Variants in RUNX2 observed in about 807,000 individuals in gnomAD.
RUNX2 encodes RUNX family transcription factor 2, also known as runt-related transcription factor 2.
In RUNX2, 10 loss-of-function variants were observed where a neutral mutation model predicts 51.7. The ratio of observed to expected loss-of-function variants is 0.19; its 90% CI spans 0.12 to 0.33. RUNX2 has a LOEUF of 0.33. Ranked by LOEUF, RUNX2 falls within the 10% of genes least tolerant of loss-of-function variation. RUNX2 has a pLI of 1.00. For missense variants in RUNX2, 562 were observed against 691.3 expected (o/e 0.81, Z 2.10); for synonymous variants, 276 against 273.6 (o/e 1.01, Z -0.09).
intron 2 of RUNX2, among the ~76,000 whole-genome samples, chr6:45,406,394 CTT>C (rs1797834179): frequency 6.6e-6 from 1 of 152,088 alleles, no homozygotes; most frequent in Admixed American, 6.6e-5. Flanking sequence ...GAATAAGACT[CTT>C]AGCATTATAT....
chr6:45,410,647 G>A (rs1479827228), intron 2 of RUNX2, among the ~76,000 whole-genome samples: 2 of 152,128 alleles, frequency 1.3e-5, no homozygotes, highest in East Asian at 1.9e-4. Flanking sequence ...CTTCAATCGT[G>A]TGGTTCCAGA....
intron 7 of RUNX2, among the ~76,000 whole-genome samples, chr6:45,531,808 G>A (rs773000931): frequency 2.0e-5 from 3 of 151,904 alleles, no homozygotes; most frequent in Non-Finnish European, 2.9e-5. Context: ...GAAATTTAAA[G>A]CTACTTAAAT....
At chr6:45,543,717 G>C (rs555010792) in intron 7 of RUNX2, among the ~76,000 whole-genome samples, 1 of 152,090 alleles carries the variant, frequency 6.6e-6, no homozygotes, top group Non-Finnish European at 1.5e-5. Flanking sequence ...AGGATGACTA[G>C]TTTAGGATAC....
intron 2 of RUNX2, among the ~76,000 whole-genome samples, chr6:45,386,994 A>C (rs886113572): frequency 1.3e-5 from 2 of 152,196 alleles, no homozygotes; most frequent in African/African-American, 2.4e-5. Flanking sequence ...AACTGGAAGG[A>C]GCTAACAGTT....
At chr6:45,433,188 T>C (rs1798591667) in intron 4 of RUNX2, among the ~76,000 whole-genome samples, 1 of 152,210 alleles carries the variant, frequency 6.6e-6, no homozygotes, top group East Asian at 1.9e-4. Context: ...CACTGACATG[T>C]TGTTTGAAAT....
At chr6:45,423,404 G>A (rs914315410) in intron 3 of RUNX2, among the ~76,000 whole-genome samples, 3 of 152,082 alleles carry the variant, frequency 2.0e-5, no homozygotes, top group South Asian at 4.1e-4. Context: ...GGGACATCCC[G>A]GCCTGGCCGC....
At chr6:45,438,441 C>T (rs1244249701) in intron 5 of RUNX2, among the ~76,000 whole-genome samples, 2 of 152,164 alleles carry the variant, frequency 1.3e-5, no homozygotes, top group South Asian at 2.1e-4. Context: ...GCATGTGTTT[C>T]CCATGGCCTA....
At chr6:45,467,360 C>T (rs1376748582) in intron 5 of RUNX2, among the ~76,000 whole-genome samples, 3 of 152,186 alleles carry the variant, frequency 2.0e-5, no homozygotes, top group East Asian at 1.9e-4. Context: ...CAGCTGACTG[C>T]AACCTCTGCC....
At chr6:45,467,249 T>C (rs1007534684) in intron 5 of RUNX2, among the ~76,000 whole-genome samples, 1 of 152,194 alleles carries the variant, frequency 6.6e-6, no homozygotes, top group Non-Finnish European at 1.5e-5. Context: ...ACTGGTCCTC[T>C]TTCTCTTTTG....
At chr6:45,506,831 G>A (rs1043802555) in intron 6 of RUNX2, among the ~76,000 whole-genome samples, 1 of 151,956 alleles carries the variant, frequency 6.6e-6, no homozygotes, top group African/African-American at 2.4e-5. Flanking sequence ...TTGTAGAGGT[G>A]GGGTTTCACC....
rs77482535 is a variant in RUNX2, at chr6:45,488,863, T to C, written c.686-3078T>C. On this transcript the variant is annotated intron_variant, in intron 5 of 8. Coordinates refer to ENST00000647337, the MANE Select transcript of RUNX2 (RefSeq NM_001024630.4). The stretch of plus-strand genomic sequence containing the variant: ...GGATGAGGTTTAGTCCTCACTGCAC[T>C]ATGACAGAGTACCCTATCCTTGACT... Among the ~76,000 whole-genome samples, 1,356 of 152,328 alleles carry C rather than the reference T, an allele frequency of 8.9e-3. 50 individuals carry two copies. The East Asian group carries it at 0.098, about 11-fold the overall frequency.
chr6:45,434,187 C>G (rs1020959692), intron 4 of RUNX2, among the ~76,000 whole-genome samples: 3 of 152,076 alleles, frequency 2.0e-5, no homozygotes, highest in African/African-American at 7.2e-5. Context: ...ACACTGATAA[C>G]AGATCACACT....
chr6:45,404,259 C>CAAAAAAAAAAAAAAAAAAAA (rs34529128), intron 2 of RUNX2, among the ~76,000 whole-genome samples: 2 of 27,632 alleles, frequency 7.2e-5, no homozygotes, highest in Non-Finnish European at 1.3e-4. Flanking sequence ...GACTCTGTCT[C>CAAAAAAAAAAAAAAAAAAAA]AAAAAAAAAA....
chr6:45,403,592 A>G (rs1797767482), intron 2 of RUNX2, among the ~76,000 whole-genome samples: 2 of 152,192 alleles, frequency 1.3e-5, no homozygotes, highest in Admixed American at 1.3e-4. Flanking sequence ...CTGTAGATGT[A>G]GTCTATTCAA....
At chr6:45,476,334 T>G (rs1799955297) in intron 5 of RUNX2, among the ~76,000 whole-genome samples, 1 of 151,278 alleles carries the variant, frequency 6.6e-6, no homozygotes, top group Non-Finnish European at 1.5e-5. Flanking sequence ...CAAGGAGCCT[T>G]TGGGGAGGAA....
chr6:45,429,502 A>G (rs757175785), intron 3 of RUNX2, among the ~76,000 whole-genome samples: 1 of 152,150 alleles, frequency 6.6e-6, no homozygotes, highest in Non-Finnish European at 1.5e-5. Context: ...TAGCCGCTTG[A>G]GATATGAGAT....
At chr6:45,544,870 G>A (rs1049151472) in intron 7 of RUNX2, among the ~76,000 whole-genome samples, 32 of 152,294 alleles carry the variant, frequency 2.1e-4, no homozygotes, top group Non-Finnish European at 3.4e-4. Context: ...TGTCATAATC[G>A]CTGTTTCCAC....
At chr6:45,513,930 TG>T (rs1350799292) in intron 7 of RUNX2, among the ~76,000 whole-genome samples, 1 of 152,190 alleles carries the variant, frequency 6.6e-6, no homozygotes, top group East Asian at 1.9e-4. Context: ...TTGATGGTGT[TG>T]AGTTAGTTCT....
chr6:45,438,146 A>C (rs868251961), intron 5 of RUNX2, 95 bp downstream of exon 5: 2 of 832,636 alleles, frequency 2.4e-6, no homozygotes, highest in Middle Eastern at 2.2e-4. Context: ...TTTCATGTCC[A>C]TAGTGTCTTT....
Sources: allele counts gnomAD v4.1 joint callset (sites outside exome capture counted in the v4.1 genomes callset), GRCh38; gene constraint gnomAD v4.1.1; transcripts MANE v1.5; gene names NCBI Gene and HGNC (gene_info 2026-07-23, HGNC 2026-07-21).